PDZD2: variants seen among roughly 807,000 people sequenced by gnomAD.
PDZD2 encodes the protein PDZ domain containing 2.
A neutral mutation model predicts 220.7 loss-of-function variants in PDZD2; 90 were observed. The ratio of observed to expected loss-of-function variants is 0.41; its 90% CI spans 0.34 to 0.49. PDZD2 has a LOEUF of 0.49. PDZD2 is among the 20% of genes least tolerant of loss of function. The probability of loss-of-function intolerance (pLI) is 0.28; values close to 1 mark genes in which losing one functional copy is unlikely to be tolerated. For synonymous variants in PDZD2, 1,375 were observed against 1,450.5 expected (o/e 0.95, Z 1.18); for missense variants, 3,174 against 3,608.5 (o/e 0.88, Z 3.08).
intron 1 of PDZD2, among the ~76,000 whole-genome samples, chr5:31,732,994 G>C (rs1181948256): frequency 6.6e-6 from 1 of 152,196 alleles, no homozygotes; most frequent in African/African-American, 2.4e-5. Context: ...CTCCCAAAGT[G>C]CTAGGATTAT....
intron 7 of PDZD2, 34 bp downstream of exon 7, chr5:32,037,376 A>G (rs751123053): frequency 1.6e-6 from 2 of 1,227,540 alleles, no homozygotes; most frequent in South Asian, 1.2e-5. Context: ...CAGCCTGTCT[A>G]GGATGAGTTT....
chr5:31,856,416 A>G (rs1245768918), intron 2 of PDZD2, among the ~76,000 whole-genome samples: 1 of 152,154 alleles, frequency 6.6e-6, no homozygotes, highest in African/African-American at 2.4e-5. Context: ...GCGGGCCACA[A>G]ACAAAAGAAA....
intron 2 of PDZD2, among the ~76,000 whole-genome samples, chr5:31,970,897 TCGGACCAGTC>T (rs1749239553): frequency 1.3e-5 from 2 of 152,172 alleles, no homozygotes; most frequent in Admixed American, 6.6e-5. Context: ...ACTTTTATCT[TCGGACCAGTC>T]TGCTGCTCCC....
Position 31,732,659 on chromosome 5 carries a change from G to A in PDZD2, c.-360-66230G>A, listed in dbSNP as rs553611671. 8.5e-5 allele frequency among the ~76,000 whole-genome samples: 13 copies of A among 152,350 alleles called. No individual in the cohort carries two copies. In the South Asian group the frequency reaches 2.7e-3, roughly 32 times the overall value. ...GGAGAAGGCCATTTCTAAGAGAGCT[G>A]AGAAGGTCCTTGAAAGTTCCATAAT... On this transcript the variant is annotated intron_variant, in intron 1 of 24. Coordinates refer to ENST00000438447, the MANE Select transcript of PDZD2 (RefSeq NM_178140.4).
At chr5:31,746,166 T>C (rs1201711092) in intron 1 of PDZD2, among the ~76,000 whole-genome samples, 1 of 152,192 alleles carries the variant, frequency 6.6e-6, no homozygotes, top group East Asian at 1.9e-4. Flanking sequence ...GAGAATAATC[T>C]TGGCTTTGGC....
chr5:31,716,560 T>C (rs1748456636), intron 1 of PDZD2, among the ~76,000 whole-genome samples: 1 of 152,202 alleles, frequency 6.6e-6, no homozygotes, highest in South Asian at 2.1e-4. Context: ...GCCAGCACTT[T>C]GGGAGGCCAA....
intron 14 of PDZD2, among the ~76,000 whole-genome samples, chr5:32,061,732 G>A (rs1739705294): frequency 6.6e-6 from 1 of 152,140 alleles, no homozygotes; most frequent in African/African-American, 2.4e-5. Flanking sequence ...GGGCAACATA[G>A]TGAGACTTCA....
intron 1 of PDZD2, among the ~76,000 whole-genome samples, chr5:31,677,879 A>G (rs991309899): frequency 6.6e-6 from 1 of 151,910 alleles, no homozygotes; most frequent in African/African-American, 2.4e-5. Context: ...ATGGTAGGAC[A>G]GCAGCAGAGG....
intron 3 of PDZD2, among the ~76,000 whole-genome samples, chr5:31,993,159 TC>T (rs1313246601): frequency 6.6e-6 from 1 of 152,074 alleles, no homozygotes; most frequent in African/African-American, 2.4e-5. Flanking sequence ...GGAAAGGTGT[TC>T]CAGAGGTCAG....
chr5:32,103,994 A>C (rs956119294), intron 24 of PDZD2: 3 of 152,266 alleles, frequency 2.0e-5, no homozygotes, highest in African/African-American at 7.2e-5. Context: ...TCAGTCCCAC[A>C]GACTAGCGCT....
chr5:32,073,304 T>G (rs1740932920), intron 17 of PDZD2, among the ~76,000 whole-genome samples: 1 of 152,174 alleles, frequency 6.6e-6, no homozygotes, highest in South Asian at 2.1e-4. Context: ...CAGATTCAGG[T>G]TGGCATTGTT....
At chr5:31,800,622 A>G (rs191486547) in intron 2 of PDZD2, among the ~76,000 whole-genome samples, 1 of 152,320 alleles carries the variant, frequency 6.6e-6, no homozygotes, top group East Asian at 1.9e-4. Flanking sequence ...GAGGGGTTAG[A>G]TCTTATCTCC....
chr5:31,741,011 G>C lies in PDZD2; in HGVS notation c.-360-57878G>C, dbSNP rs192575338. Among the ~76,000 whole-genome samples, 439 of 152,264 alleles carry C rather than the reference G, an allele frequency of 2.9e-3. 2 individuals are homozygous for C. The highest frequency in any genetic ancestry group is 9.9e-3 in the African/African-American group (413 of 41,548). ...AAACTGATGTCTTATCCTTCTTAGT[G>C]CCTCAAACTACATCCTGTTCAGACA... is the stretch of plus-strand genomic sequence containing the variant. On this transcript the variant is annotated intron_variant, in intron 1 of 24. Coordinates refer to ENST00000438447, the MANE Select transcript of PDZD2 (RefSeq NM_178140.4).
chr5:31,733,739 C>T (rs1749673070), intron 1 of PDZD2, among the ~76,000 whole-genome samples: 1 of 152,204 alleles, frequency 6.6e-6, no homozygotes, highest in African/African-American at 2.4e-5. Flanking sequence ...GCAGATCCAG[C>T]TGTGTTGAGA....
At chr5:31,895,737 C>T (rs12522914) in intron 2 of PDZD2, among the ~76,000 whole-genome samples, 16,894 of 152,140 alleles carry the variant, frequency 0.11, 1,640 homozygotes, top group East Asian at 0.43. Context: ...ATACCTCCCT[C>T]ATGAAGGCGC....
chr5:31,693,259 T>TTTTTTG, intron 1 of PDZD2, among the ~76,000 whole-genome samples: 1 of 129,886 alleles, frequency 7.7e-6, no homozygotes, highest in Non-Finnish European at 1.6e-5. Context: ...TTTTTTTTTT[T>TTTTTTG]GAGACGGAGT....
At chr5:31,929,414 A>G (rs1745057694) in intron 2 of PDZD2, among the ~76,000 whole-genome samples, 2 of 152,232 alleles carry the variant, frequency 1.3e-5, no homozygotes, top group Non-Finnish European at 2.9e-5. Flanking sequence ...GGCCTCTGCC[A>G]CTAGATGCCA....
intron 2 of PDZD2, chr5:31,823,084 A>C: frequency 2.2e-6 from 2 of 918,894 alleles, no homozygotes; most frequent in Non-Finnish European, 3.2e-6. Context: ...CTTTAGAGTA[A>C]TATTGACATT....
At chr5:31,797,965 G>A (rs1377452884) in intron 1 of PDZD2, among the ~76,000 whole-genome samples, 1 of 152,156 alleles carries the variant, frequency 6.6e-6, no homozygotes, top group African/African-American at 2.4e-5. Context: ...CTATGTTTAT[G>A]GAGAATGGAG....
Sources: gnomAD v4.1 joint callset for allele counts (sites outside exome capture counted in the v4.1 genomes callset) on GRCh38, gnomAD v4.1.1 for gene constraint, MANE v1.5 for transcripts, NCBI Gene and HGNC (gene_info 2026-07-23, HGNC 2026-07-21) for gene names.